Variants in ARHGAP35 observed in about 807,000 individuals in gnomAD.
ARHGAP35 encodes rho GTPase-activating protein 35.
In ARHGAP35, 15 loss-of-function variants were observed where a neutral mutation model predicts 111.1. The ratio of observed to expected loss-of-function variants is 0.13; its 90% CI spans 0.09 to 0.21. The LOEUF is 0.21. ARHGAP35 is among the 10% of genes least tolerant of loss of function. ARHGAP35 has a pLI of 1.00. For synonymous variants in ARHGAP35, 643 were observed against 710.3 expected (o/e 0.91, Z 1.51); for missense variants, 1,262 against 1,873.0 (o/e 0.67, Z 6.02).
Position 46,919,954 on chromosome 19 carries a change from A to C in ARHGAP35, c.1279A>C (p.Arg427=). ...CCACTTAGAGAAGCTGAGGAACGAA[A>C]GGAAAAGAGTTGAGATGCGAAGGGC... The part of the protein sequence containing the change: ...EAHLEKLRNE[R]KRVEMRRAFK... Residue 427 remains arginine, a synonymous_variant, in exon 2 of 7, where the codon AGG becomes CGG. Transcript: ENST00000672722. The surrounding 1 kb of genome is among the most constrained non-coding windows in gnomAD (Gnocchi z 6.2). 1 of 1,614,026 alleles carries C rather than the reference A, an allele frequency of 6.2e-7. No homozygotes were observed. The highest frequency in any genetic ancestry group is 1.1e-5 in the South Asian group (1 of 91,086).
intron 1 of ARHGAP35, among the ~76,000 whole-genome samples, chr19:46,869,533 A>G (rs547397449): frequency 3.3e-5 from 5 of 151,558 alleles, no homozygotes; most frequent in Non-Finnish European, 7.4e-5. Flanking sequence ...GTGTGTATGT[A>G]TATAGTTGCA....
At chr19:46,950,956 G>A (rs368133815) in intron 3 of ARHGAP35, among the ~76,000 whole-genome samples, 6 of 152,218 alleles carry the variant, frequency 3.9e-5, no homozygotes, top group Non-Finnish European at 8.8e-5. Flanking sequence ...AGTTTGTGAG[G>A]AGAGGAAAGA....
intron 3 of ARHGAP35, among the ~76,000 whole-genome samples, chr19:46,962,125 G>A (rs1351970457): frequency 1.3e-5 from 2 of 152,132 alleles, no homozygotes; most frequent in Non-Finnish European, 2.9e-5. Flanking sequence ...CACAAGTGTG[G>A]TCATTGTGTG....
intron 1 of ARHGAP35, among the ~76,000 whole-genome samples, chr19:46,897,538 T>A (rs1457192351): frequency 6.6e-6 from 1 of 151,960 alleles, no homozygotes; most frequent in Non-Finnish European, 1.5e-5. Context: ...ACTTAGAGAT[T>A]TGTCTAAACA....
intron 3 of ARHGAP35, among the ~76,000 whole-genome samples, chr19:46,987,560 A>T (rs2056658064): frequency 6.6e-6 from 1 of 152,186 alleles, no homozygotes; most frequent in South Asian, 2.1e-4. Flanking sequence ...GTGATCATAT[A>T]CTTTGGTGTC....
At position 46,921,958 on chromosome 19, in the gene ARHGAP35, G is replaced by A. The variant is rs763170165; in HGVS notation, c.3283G>A (p.Val1095Met). ...CTATGCTGAACCCATGGATGCTGTG[G>A]TGAAGCCAAGGAATGAAGAAGAAAA... ...SDYAEPMDAV[V>M]KPRNEEENIY... The change falls in exon 2 of 7, where the codon GTG becomes ATG. Residue 1095 changes from valine (V) to methionine (M), a missense_variant. By Grantham distance (21) the Val-to-Met change is conservative (BLOSUM62 1). This residue lies in a region of ARHGAP35 where 579 missense variants were observed against 716.9 expected (regional missense o/e 0.81). Transcript: ENST00000672722. This position sits in a 1 kb window ranked among gnomAD's most constrained non-coding sequence, Gnocchi z 4.3. 5 of 1,613,998 alleles carry A rather than the reference G, an allele frequency of 3.1e-6. No individual in the cohort carries two copies. Among genetic ancestry groups the A allele is most frequent in the South Asian group, 2.2e-5 (2 of 91,078 alleles).
At chr19:46,870,944 G>GAT (rs2055884536) in intron 1 of ARHGAP35, among the ~76,000 whole-genome samples, 2 of 152,106 alleles carry the variant, frequency 1.3e-5, no homozygotes, top group African/African-American at 4.8e-5. Flanking sequence ...TTTTTCATAT[G>GAT]ATGGGGCATA....
chr19:46,900,672 G>A (rs559709418), intron 1 of ARHGAP35, among the ~76,000 whole-genome samples: 1 of 152,258 alleles, frequency 6.6e-6, no homozygotes, highest in South Asian at 2.1e-4. Context: ...AGCCAGCAGT[G>A]TGTGTGGTGC....
At chr19:46,914,123 CA>C (rs2056152257) in intron 1 of ARHGAP35, among the ~76,000 whole-genome samples, 2 of 152,032 alleles carry the variant, frequency 1.3e-5, no homozygotes. Context: ...TAATTCAGTC[CA>C]ATTGAGGAAC....
At chr19:46,884,341 C>T (rs896385521) in intron 1 of ARHGAP35, among the ~76,000 whole-genome samples, 10 of 151,950 alleles carry the variant, frequency 6.6e-5, no homozygotes, top group African/African-American at 1.9e-4. Flanking sequence ...AAAGGATATC[C>T]CTTCCCAAGG....
intron 1 of ARHGAP35, among the ~76,000 whole-genome samples, chr19:46,916,458 G>A (rs980900003): frequency 1.5e-4 from 23 of 152,006 alleles, no homozygotes; most frequent in African/African-American, 5.1e-4. Context: ...AGGCTTTCCC[G>A]AATCTGAAAG....
intron 1 of ARHGAP35, among the ~76,000 whole-genome samples, chr19:46,912,748 C>G (rs1390541671): frequency 6.6e-6 from 1 of 152,018 alleles, no homozygotes; most frequent in Non-Finnish European, 1.5e-5. Flanking sequence ...CCATGTCTAC[C>G]TGACATGGAA....
rs1323214253 is a variant in ARHGAP35 at position 46,886,782 on chromosome 19, TTA to T, written c.-189+25574_-189+25575del. The stretch of plus-strand genomic sequence containing the variant: ...TTTCTATCCTAATGCTTAAGAATCC[TTA>T]GTGAAAATGTGGGAAAGAGGATGAA... On this transcript the variant is annotated intron_variant, in intron 1 of 6. Coordinates refer to ENST00000672722, the MANE Select transcript of ARHGAP35 (RefSeq NM_004491.5). Among the ~76,000 whole-genome samples the T allele has an allele frequency of 9.5e-5, 7 of 73,516 alleles. No individual in the cohort carries two copies. In the South Asian group the frequency reaches 2.4e-3, roughly 25 times the overall value. The allele number at this position is 73,516 out of a possible 152,430, so 48.2% of individuals were successfully genotyped here.
intron 1 of ARHGAP35, among the ~76,000 whole-genome samples, chr19:46,900,764 T>G (rs1300739522): frequency 2.2e-5 from 2 of 90,090 alleles, no homozygotes. Flanking sequence ...AAATAGAAAT[T>G]AAAGAAAAAA....
intron 5 of ARHGAP35, among the ~76,000 whole-genome samples, chr19:46,991,032 T>TA (rs2056676654): frequency 6.6e-6 from 1 of 152,014 alleles, no homozygotes; most frequent in Non-Finnish European, 1.5e-5. Flanking sequence ...GGTCATAGAG[T>TA]AGCCTGCTTT....
chr19:46,958,422 C>G (rs977459388), intron 3 of ARHGAP35, among the ~76,000 whole-genome samples: 2 of 151,902 alleles, frequency 1.3e-5, no homozygotes, highest in Admixed American at 6.6e-5. Context: ...TAGTGTGTGC[C>G]AGATCCTTTT....
intron 3 of ARHGAP35, among the ~76,000 whole-genome samples, chr19:46,968,054 A>G (rs2056525354): frequency 6.6e-6 from 1 of 152,172 alleles, no homozygotes; most frequent in Non-Finnish European, 1.5e-5. Flanking sequence ...GGTCATCTTC[A>G]TTGTCTCCTC....
At chr19:46,976,210 C>CTTTTTTTT (rs772367746) in intron 3 of ARHGAP35, among the ~76,000 whole-genome samples, 3 of 118,732 alleles carry the variant, frequency 2.5e-5, no homozygotes, top group African/African-American at 6.5e-5. Flanking sequence ...AAGCTTTCTC[C>CTTTTTTTT]TTTTTTTTTT....
At chr19:46,972,650 G>A (rs1313270902) in intron 3 of ARHGAP35, among the ~76,000 whole-genome samples, 2 of 152,124 alleles carry the variant, frequency 1.3e-5, no homozygotes, top group Non-Finnish European at 2.9e-5. Flanking sequence ...TCCTTGCAAA[G>A]TACTTGCACA....
Sources: allele counts gnomAD v4.1 joint callset (sites outside exome capture counted in the v4.1 genomes callset), GRCh38; gene constraint gnomAD v4.1.1; regional missense constraint gnomAD v4.1.1; non-coding constraint Gnocchi (gnomAD v3.1); transcripts MANE v1.5; gene names NCBI Gene and HGNC (gene_info 2026-07-23, HGNC 2026-07-21).